The following AKAP19 variants were observed in gnomAD, a reference collection of about 807,000 sequenced individuals.
AKAP19 encodes the protein small A-kinase anchoring protein.
chr2:189,956,145 A>C, the AKAP19 span, among the ~76,000 whole-genome samples: 1 of 149,116 alleles, frequency 6.7e-6, no homozygotes, highest in Non-Finnish European at 1.5e-5. Context: ...AAATCTTTGA[A>C]CTTATTTTTA....
chr2:190,100,634 C>T, the AKAP19 span, among the ~76,000 whole-genome samples: 1 of 152,072 alleles, frequency 6.6e-6, no homozygotes, highest in African/African-American at 2.4e-5. Context: ...TTAAAATATG[C>T]ACAGGGGTGA....
At chr2:189,937,323 A>G in the AKAP19 span, among the ~76,000 whole-genome samples, 10 of 152,090 alleles carry the variant, frequency 6.6e-5, no homozygotes, top group Admixed American at 6.5e-4. Context: ...TGTCCTTCAG[A>G]ACTTATTGAA....
At chr2:190,178,232 C>A in the AKAP19 span, among the ~76,000 whole-genome samples, 1 of 152,196 alleles carries the variant, frequency 6.6e-6, no homozygotes, top group Non-Finnish European at 1.5e-5. The surrounding 1 kb of genome is among the most constrained non-coding windows in gnomAD (Gnocchi z 6.3). Context: ...TCCCGAATCC[C>A]AGGGGCAGAG....
chr2:189,955,039 C>T, the AKAP19 span, among the ~76,000 whole-genome samples: 1 of 152,124 alleles, frequency 6.6e-6, no homozygotes, highest in Non-Finnish European at 1.5e-5. Context: ...TTAGTGTACT[C>T]ATCACCCAAA....
chr2:190,002,837 G>A, the AKAP19 span, among the ~76,000 whole-genome samples: 1 of 152,082 alleles, frequency 6.6e-6, no homozygotes, highest in Non-Finnish European at 1.5e-5. Context: ...GGTTTTCTGG[G>A]AATATGTCAC....
At chr2:190,125,271 C>T in the AKAP19 span, among the ~76,000 whole-genome samples, 2 of 152,022 alleles carry the variant, frequency 1.3e-5, no homozygotes, top group African/African-American at 4.8e-5. Flanking sequence ...GTTTCAGCTG[C>T]AGATAATCAT....
the AKAP19 span, among the ~76,000 whole-genome samples, chr2:189,974,144 G>A: frequency 6.6e-6 from 1 of 152,100 alleles, no homozygotes; most frequent in Non-Finnish European, 1.5e-5. Context: ...TCTACACACT[G>A]CTTTAAATGT....
At chr2:189,900,173 G>C in the AKAP19 span, among the ~76,000 whole-genome samples, 1 of 151,976 alleles carries the variant, frequency 6.6e-6, no homozygotes, top group Non-Finnish European at 1.5e-5. Context: ...AATTTAGTTT[G>C]TTTCCAATAT....
chr2:189,936,508 T>A, the AKAP19 span, among the ~76,000 whole-genome samples: 2 of 152,118 alleles, frequency 1.3e-5, no homozygotes, highest in Admixed American at 1.3e-4. Context: ...TACTCCAGGG[T>A]CAGAAAACTT....
At chr2:190,121,942 A>G in the AKAP19 span, among the ~76,000 whole-genome samples, 1 of 152,114 alleles carries the variant, frequency 6.6e-6, no homozygotes, top group Non-Finnish European at 1.5e-5. Flanking sequence ...TTGCTGATGA[A>G]TGAGAACTTC....
the AKAP19 span, among the ~76,000 whole-genome samples, chr2:190,058,009 A>C: frequency 6.6e-6 from 1 of 152,006 alleles, no homozygotes; most frequent in African/African-American, 2.4e-5. Flanking sequence ...TGAAGGAAAG[A>C]GCTAACAGCT....
chr2:190,163,454 A>G, the AKAP19 span, among the ~76,000 whole-genome samples: 6 of 138,262 alleles, frequency 4.3e-5, no homozygotes, highest in Non-Finnish European at 9.6e-5. Flanking sequence ...AAAACAAAAA[A>G]CAAAAAAAAA....
the AKAP19 span, among the ~76,000 whole-genome samples, chr2:190,187,576 C>T: frequency 3.9e-5 from 6 of 151,960 alleles, no homozygotes; most frequent in Non-Finnish European, 7.4e-5. Flanking sequence ...TAAAGAAGGG[C>T]TAGGCAGGCA....
At chr2:190,175,792 A>T in the AKAP19 span, among the ~76,000 whole-genome samples, 2 of 152,238 alleles carry the variant, frequency 1.3e-5, no homozygotes, top group East Asian at 3.8e-4. Context: ...ATATATTAAA[A>T]TATTATAATG....
the AKAP19 span, among the ~76,000 whole-genome samples, chr2:190,018,347 T>G: frequency 6.6e-6 from 1 of 152,128 alleles, no homozygotes; most frequent in Non-Finnish European, 1.5e-5. Context: ...TTTTTTTTCG[T>G]TTTGGTCTTC....
chr2:190,140,345 G>A, the AKAP19 span, among the ~76,000 whole-genome samples: 1 of 152,180 alleles, frequency 6.6e-6, no homozygotes, highest in Middle Eastern at 3.2e-3. Flanking sequence ...CCACTAGGCA[G>A]TGCCCCAGTG....
At chr2:190,098,857 C>T in the AKAP19 span, among the ~76,000 whole-genome samples, 4 of 152,186 alleles carry the variant, frequency 2.6e-5, no homozygotes, top group African/African-American at 7.2e-5. Flanking sequence ...CTTGCTGATT[C>T]CCCTTGTACT....
the AKAP19 span, among the ~76,000 whole-genome samples, chr2:190,039,588 A>C: frequency 6.6e-6 from 1 of 151,994 alleles, no homozygotes; most frequent in Non-Finnish European, 1.5e-5. Flanking sequence ...CGTGTGCCAC[A>C]GGGGGTTGTT....
At chr2:189,956,596 TG>T in the AKAP19 span, among the ~76,000 whole-genome samples, 1 of 152,080 alleles carries the variant, frequency 6.6e-6, no homozygotes, top group Non-Finnish European at 1.5e-5. Context: ...AATTTTTTTT[TG>T]AGATAGGGTC....
Sources: gnomAD v4.1 joint callset for allele counts (sites outside exome capture counted in the v4.1 genomes callset) on GRCh38, gnomAD v4.1.1 for gene constraint, Gnocchi (gnomAD v3.1) non-coding constraint, MANE v1.5 for transcripts, NCBI Gene and HGNC (gene_info 2026-07-23, HGNC 2026-07-21) for gene names.